MCHR2: variants seen among roughly 807,000 people sequenced by gnomAD.
MCHR2 encodes melanin-concentrating hormone receptor 2.
In MCHR2, 15 loss-of-function variants were observed where a neutral mutation model predicts 24.8. That is an observed-to-expected ratio of 0.60 (90% CI 0.40 to 0.93). The LOEUF (loss-of-function observed/expected upper bound fraction) is 0.93, where lower values mean the gene tolerates loss of function less well. MCHR2 is among the 40% of genes least tolerant of loss of function. MCHR2 has a pLI of 0.00. For synonymous variants in MCHR2, 151 were observed against 147.6 expected (o/e 1.02, Z -0.17); for missense variants, 386 against 408.7 (o/e 0.94, Z 0.48).
intron 3 of MCHR2, among the ~76,000 whole-genome samples, chr6:99,944,440 G>C (rs1027778458): frequency 6.6e-6 from 1 of 152,144 alleles, no homozygotes; most frequent in African/African-American, 2.4e-5. Flanking sequence ...CCAAGTTTTT[G>C]CAAAGCTACT....
At chr6:99,953,817 G>A (rs912729773) in intron 2 of MCHR2, among the ~76,000 whole-genome samples, 2 of 151,976 alleles carry the variant, frequency 1.3e-5, no homozygotes, top group Non-Finnish European at 2.9e-5. Context: ...TTCACAAATA[G>A]CTTTACAGGA....
intron 5 of MCHR2, among the ~76,000 whole-genome samples, chr6:99,923,883 T>C (rs746822968): frequency 1.1e-4 from 17 of 152,090 alleles, no homozygotes; most frequent in Non-Finnish European, 2.4e-4. Context: ...TAGTTTTTTG[T>C]TGTGTCTTTG....
chr6:99,925,838 TTTA>T (rs1455639020), intron 5 of MCHR2, among the ~76,000 whole-genome samples: 1 of 151,270 alleles, frequency 6.6e-6, no homozygotes, highest in Admixed American at 6.6e-5. Flanking sequence ...TATTTTTTAT[TTTA>T]TTATTATTAT....
Position 99,934,296 on chromosome 6 carries a change from A to G in MCHR2, c.707+102T>C, listed in dbSNP as rs530265319. The G allele has an allele frequency of 2.3e-3, 2,759 of 1,224,478 alleles. 7 individuals carry two copies. The highest frequency in any genetic ancestry group is 2.8e-3 in the Non-Finnish European group (2,569 of 923,118). The allele number at this position is 1,224,478 out of a possible 1,614,324, so 75.9% of individuals were successfully genotyped here. A position where few individuals can be genotyped will look rare whatever the true frequency, so the allele number is the denominator to read the frequency against. ...GACATATATCAATGTCCACATGTCT[A>G]AATGTGGTATGTTTCAAGTCACTGT... On this transcript the variant is annotated intron_variant, in intron 5 of 5. Transcript: ENST00000281806.
chr6:99,927,320 C>A (rs1171116628), intron 5 of MCHR2, among the ~76,000 whole-genome samples: 7 of 152,158 alleles, frequency 4.6e-5, no homozygotes, highest in Non-Finnish European at 1.5e-5. Context: ...GCGATGTGGG[C>A]TCTTTTTTGG....
Position 99,920,800 on chromosome 6 carries a change from G to T in MCHR2, c.*140C>A. ...ATATTAAGCTCATTGTATTTGCATG[G>T]TTACACTTCTCTTCCATGCTGCTAA... On this transcript the variant is annotated 3_prime_UTR_variant, in exon 6 of 6. Coordinates refer to ENST00000281806, the MANE Select transcript of MCHR2 (RefSeq NM_001040179.2). 1.2e-6 allele frequency: 1 copy of T among 801,522 alleles called. No homozygotes were observed. Among genetic ancestry groups the T allele is most frequent in the Non-Finnish European group, 2.0e-6 (1 of 496,970 alleles). 49.7% of individuals were successfully genotyped at this position (801,522 alleles called of 1,614,324 possible).
At chr6:99,963,495 A>G (rs901381354) in intron 1 of MCHR2, among the ~76,000 whole-genome samples, 6 of 152,232 alleles carry the variant, frequency 3.9e-5, no homozygotes, top group African/African-American at 1.4e-4. Flanking sequence ...GGTGATTGCC[A>G]GGGGCTGGAG....
intron 4 of MCHR2, among the ~76,000 whole-genome samples, chr6:99,937,571 A>G (rs1774688092): frequency 6.6e-6 from 1 of 151,766 alleles, no homozygotes; most frequent in Non-Finnish European, 1.5e-5. Context: ...TGCTCATGAT[A>G]TACGATTTTT....
chr6:99,929,634 T>G (rs1774461819), intron 5 of MCHR2, among the ~76,000 whole-genome samples: 1 of 152,110 alleles, frequency 6.6e-6, no homozygotes, highest in Non-Finnish European at 1.5e-5. Context: ...GTTTAAAGTC[T>G]GTTTTATCAG....
At chr6:99,923,611 A>C (rs908089766) in intron 5 of MCHR2, among the ~76,000 whole-genome samples, 2 of 151,982 alleles carry the variant, frequency 1.3e-5, no homozygotes, top group African/African-American at 4.8e-5. Flanking sequence ...GAGATGTTGA[A>C]TTTTATCAGA....
intron 5 of MCHR2, among the ~76,000 whole-genome samples, chr6:99,932,668 C>T (rs192918477): frequency 2.6e-4 from 39 of 152,042 alleles, no homozygotes; most frequent in Non-Finnish European, 4.4e-4. Flanking sequence ...CAATATCAGG[C>T]GAACTCGTAT....
intron 1 of MCHR2, among the ~76,000 whole-genome samples, chr6:99,985,334 A>T (rs1368540424): frequency 6.6e-6 from 1 of 152,140 alleles, no homozygotes; most frequent in Non-Finnish European, 1.5e-5. Flanking sequence ...CAATGCTAAC[A>T]TTCATATGAA....
intron 2 of MCHR2, among the ~76,000 whole-genome samples, chr6:99,951,050 G>C (rs1462157479): frequency 6.6e-6 from 1 of 152,080 alleles, no homozygotes; most frequent in Non-Finnish European, 1.5e-5. Context: ...TACCAGTGGG[G>C]CTCCAGCTCC....
intron 5 of MCHR2, among the ~76,000 whole-genome samples, chr6:99,925,494 C>T (rs1774331554): frequency 6.6e-6 from 1 of 151,952 alleles, no homozygotes; most frequent in African/African-American, 2.4e-5. Flanking sequence ...TTCCTGTCTT[C>T]CTTTAGTGAA....
At chr6:99,924,527 T>C (rs1364044063) in intron 5 of MCHR2, among the ~76,000 whole-genome samples, 2 of 152,094 alleles carry the variant, frequency 1.3e-5, no homozygotes, top group Non-Finnish European at 1.5e-5. Context: ...ATCTTTTTGA[T>C]GTAGGCACTT....
At chr6:99,959,999 G>C (rs1775146977) in intron 1 of MCHR2, among the ~76,000 whole-genome samples, 1 of 151,880 alleles carries the variant, frequency 6.6e-6, no homozygotes, top group Non-Finnish European at 1.5e-5. Context: ...ATCTGGGAAG[G>C]GAAATGAACA....
chr6:99,986,722 T>A (rs773106770), intron 1 of MCHR2, among the ~76,000 whole-genome samples: 5 of 151,950 alleles, frequency 3.3e-5, no homozygotes, highest in Non-Finnish European at 7.4e-5. Context: ...TAGGGTACAA[T>A]ATATCCTATT....
At chr6:99,935,198 T>C (rs898785890) in intron 4 of MCHR2, among the ~76,000 whole-genome samples, 3 of 152,088 alleles carry the variant, frequency 2.0e-5, no homozygotes, top group African/African-American at 7.2e-5. Context: ...ATATTTGTCT[T>C]TTTAAAAATG....
chr6:99,927,312 G>T (rs1185467870), intron 5 of MCHR2, among the ~76,000 whole-genome samples: 1 of 152,104 alleles, frequency 6.6e-6, no homozygotes, highest in African/African-American at 2.4e-5. Context: ...TTCACTTGGC[G>T]ATGTGGGCTC....
Sources: allele counts gnomAD v4.1 joint callset (sites outside exome capture counted in the v4.1 genomes callset), GRCh38; gene constraint gnomAD v4.1.1; transcripts MANE v1.5; gene names NCBI Gene and HGNC (gene_info 2026-07-23, HGNC 2026-07-21).